Variants in ADGRG2 observed in about 807,000 individuals in gnomAD.
ADGRG2 encodes the protein adhesion G protein-coupled receptor G2.
ADGRG2 carries 26 observed loss-of-function variants against 74.1 expected under a neutral mutation model. The observed-to-expected ratio is 0.35, with a 90% confidence interval of 0.26 to 0.49. The LOEUF is 0.49. Ranked by LOEUF, ADGRG2 falls within the 20% of genes least tolerant of loss-of-function variation. The pLI is 0.99. For missense variants in ADGRG2, 619 were observed against 763.1 expected, an observed-to-expected ratio of 0.81 and a Z score of 2.22; for synonymous variants, 296 against 295.2, an observed-to-expected ratio of 1.00 and a Z score of -0.03.
intron 1 of ADGRG2, among the ~76,000 whole-genome samples, chrX:19,108,195 G>A (rs750118074): frequency 1.4e-4 from 15 of 107,802 alleles, no homozygotes; most frequent in East Asian, 2.8e-4. Context: ...AGCCAGGTGC[G>A]GTGGCTCATG....
intron 3 of ADGRG2, among the ~76,000 whole-genome samples, chrX:19,063,463 C>T (rs1299669175): frequency 8.9e-6 from 1 of 112,388 alleles, no homozygotes; most frequent in Non-Finnish European, 1.9e-5. Flanking sequence ...TGTGGGACCT[C>T]TAGGCAAATG....
chrX:19,116,506 CAAAAAAAAA>C (rs10677696), intron 1 of ADGRG2, among the ~76,000 whole-genome samples: 1 of 24,017 alleles, frequency 4.2e-5, no homozygotes, highest in South Asian at 4.0e-3. Flanking sequence ...GATTCCGTCT[CAAAAAAAAA>C]AAAAAAAAAA....
rs549206474 is a variant in ADGRG2 at position 19,013,565 on chromosome X, C to T, written c.1099+121G>A. On this transcript the variant is annotated intron_variant, in intron 16 of 28. Transcript: ENST00000379869. ...TATGCAACCATGTAAGTCATTAGAA[C>T]GTTAGAATCCCGAAAGGAAAGCTCT... The T allele has an allele frequency of 2.2e-4, 130 of 589,506 alleles. No individual in the cohort carries two copies. In the South Asian group the frequency reaches 3.1e-3, roughly 14 times the overall value. 48.6% of individuals were successfully genotyped at this position (589,506 alleles called of 1,213,427 possible). A position where few individuals can be genotyped will look rare whatever the true frequency, so the allele number is the denominator to read the frequency against.
At chrX:19,080,555 C>T in intron 2 of ADGRG2, among the ~76,000 whole-genome samples, 1 of 111,447 alleles carries the variant, frequency 9.0e-6, no homozygotes, top group Admixed American at 9.6e-5. Context: ...AATGCTAAGA[C>T]CTATTTCACA....
chrX:19,026,429 A>G (rs904099803), intron 11 of ADGRG2, among the ~76,000 whole-genome samples: 47 of 111,308 alleles, frequency 4.2e-4, no homozygotes, highest in African/African-American at 1.3e-3. Context: ...CGGACACAGT[A>G]AGATCATCTC....
chrX:19,094,515 A>T (rs1240138898), intron 1 of ADGRG2, among the ~76,000 whole-genome samples: 1 of 110,983 alleles, frequency 9.0e-6, no homozygotes. Context: ...AGGAGGAGGT[A>T]TGGGGATGAC....
intron 1 of ADGRG2, among the ~76,000 whole-genome samples, chrX:19,117,816 T>TAAATA (rs1458566117): frequency 2.7e-5 from 3 of 110,177 alleles, no homozygotes; most frequent in African/African-American, 9.9e-5. Context: ...GGACTCTATC[T>TAAATA]AAATAAAATA....
chrX:19,088,228 T>C (rs1217209207), intron 1 of ADGRG2, among the ~76,000 whole-genome samples: 2 of 112,688 alleles, frequency 1.8e-5, no homozygotes, highest in African/African-American at 6.4e-5. Context: ...ATATACTTGA[T>C]TTTTTAAATG....
At chrX:19,105,588 C>T (rs897395424) in intron 1 of ADGRG2, among the ~76,000 whole-genome samples, 2 of 109,731 alleles carry the variant, frequency 1.8e-5, no homozygotes, top group African/African-American at 3.3e-5. Context: ...GGGGGATGGG[C>T]GGCTAGGGGA....
rs1446732400 is a variant in ADGRG2 at position 19,037,340 on chromosome X, T to C, written c.226+127A>G. 5.9e-6 allele frequency: 3 copies of C among 507,094 alleles called. No individual in the cohort carries two copies. In the African/African-American group the frequency reaches 7.4e-5, roughly 13 times the overall value. The allele number at this position is 507,094 out of a possible 1,213,427, so 41.8% of individuals were successfully genotyped here. ...CTCTCCAGGGTTGGCAAGTTTTGTT[T>C]TGGGTTATTTGAAACTACTCGACGT... is the stretch of plus-strand genomic sequence containing the variant. On this transcript the variant is annotated intron_variant, in intron 6 of 28. Coordinates refer to ENST00000379869, the MANE Select transcript of ADGRG2 (RefSeq NM_001079858.3).
chrX:19,021,719 C>A (rs1450360729), intron 13 of ADGRG2, among the ~76,000 whole-genome samples: 1 of 110,686 alleles, frequency 9.0e-6, no homozygotes, highest in African/African-American at 3.3e-5. Context: ...GATCTCAGCT[C>A]ACTGCAACCT....
At chrX:19,024,126 A>G (rs2060652318) in intron 11 of ADGRG2, among the ~76,000 whole-genome samples, 178 bp from the exon 12 acceptor site, 1 of 112,291 alleles carries the variant, frequency 8.9e-6, no homozygotes, top group African/African-American at 3.2e-5. Flanking sequence ...AATAATTTAT[A>G]TGACAAGGGA....
Position 19,022,036 on chromosome X carries a change from G to A in ADGRG2, c.549-838C>T, listed in dbSNP as rs761808210. Among the ~76,000 whole-genome samples the A allele has an allele frequency of 8.2e-5, 9 of 110,415 alleles. No individual in the cohort carries two copies. The East Asian group carries it at 2.7e-3, about 33-fold the overall frequency. On this transcript the variant is annotated intron_variant, in intron 13 of 28. Coordinates refer to ENST00000379869, the MANE Select transcript of ADGRG2 (RefSeq NM_001079858.3). Reference sequence around the variant, plus strand: ...CCCAGCACTTTGGAAGGCCGAGGCAGGTGGATCACTTGAGTCCAGGATTTT... The same window carrying A: ...CCCAGCACTTTGGAAGGCCGAGGCAAGTGGATCACTTGAGTCCAGGATTTT...
intron 26 of ADGRG2, among the ~76,000 whole-genome samples, chrX:18,998,002 C>A (rs1472850310): frequency 8.9e-6 from 1 of 112,592 alleles, no homozygotes; most frequent in Non-Finnish European, 1.9e-5. Flanking sequence ...TCTTTCATAA[C>A]ACTGCTCTAA....
At chrX:19,082,072 CAAAA>C (rs57534658) in intron 2 of ADGRG2, among the ~76,000 whole-genome samples, 50 of 21,187 alleles carry the variant, frequency 2.4e-3, no homozygotes, top group African/African-American at 6.9e-3. Flanking sequence ...GACCCTGTCT[CAAAA>C]AAAAAAAAAA....
intron 1 of ADGRG2, among the ~76,000 whole-genome samples, chrX:19,094,016 T>C (rs2062055505): frequency 9.0e-6 from 1 of 111,507 alleles, no homozygotes; most frequent in African/African-American, 3.3e-5. Context: ...TGGAGGCCAT[T>C]ATCTTAACTC....
intron 1 of ADGRG2, among the ~76,000 whole-genome samples, chrX:19,094,706 T>C (rs2062067256): frequency 8.9e-6 from 1 of 112,641 alleles, no homozygotes; most frequent in South Asian, 3.7e-4. Context: ...GCATCAACTC[T>C]ACCTGCTCCT....
At chrX:18,993,545 G>A (rs1460187399) in intron 28 of ADGRG2, among the ~76,000 whole-genome samples, 1 of 108,247 alleles carries the variant, frequency 9.2e-6, no homozygotes. Context: ...GCCAGCCATG[G>A]TGGCATGCTC....
rs773688189 is a variant in ADGRG2, at chrX:18,991,026, A to G, written c.2892T>C (p.Asn964=). ...CATTCTGAACACTAAAAGAGACCCC[A>G]TTCCTCTCTGTAGAAGCATTTCCTG... ...SGNGNASTER[N]GVSFSVQNGD... Residue 964 remains asparagine (N), a synonymous_variant, in exon 29 of 29, where the codon AAT becomes AAC. Coordinates refer to ENST00000379869, the MANE Select transcript of ADGRG2 (RefSeq NM_001079858.3). 2.5e-6 allele frequency: 3 copies of G among 1,187,879 alleles called. No individual in the cohort carries two copies. The African/African-American group carries it at 5.3e-5, about 21-fold the overall frequency.
Sources: allele counts gnomAD v4.1 joint callset (sites outside exome capture counted in the v4.1 genomes callset), GRCh38; gene constraint gnomAD v4.1.1; transcripts MANE v1.5; gene names NCBI Gene and HGNC (gene_info 2026-07-23, HGNC 2026-07-21).